KAT2B: variants seen among roughly 807,000 people sequenced by gnomAD.
The protein encoded by KAT2B is histone acetyltransferase KAT2B.
Under a neutral mutation model 105.9 loss-of-function variants are expected in KAT2B, and 36 were observed. The observed-to-expected ratio is 0.34, with a 90% CI of 0.26 to 0.45. The LOEUF (loss-of-function observed/expected upper bound fraction) is 0.45, where lower values mean the gene tolerates loss of function less well. KAT2B is among the 20% of genes least tolerant of loss of function. KAT2B has a pLI of 1.00. For synonymous variants in KAT2B, 397 were observed against 377.9 expected (o/e 1.05, Z -0.59); for missense variants, 820 against 1,021.6 (o/e 0.80, Z 2.69).
chr3:20,075,319 A>G (rs1322418739), intron 2 of KAT2B, among the ~76,000 whole-genome samples: 1 of 152,056 alleles, frequency 6.6e-6, no homozygotes, highest in Admixed American at 6.5e-5. Context: ...ATTTTACTCA[A>G]CACAGAACAC....
At chr3:20,130,053 C>T (rs1699481450) in intron 11 of KAT2B, among the ~76,000 whole-genome samples, 1 of 152,160 alleles carries the variant, frequency 6.6e-6, no homozygotes, top group East Asian at 1.9e-4. Flanking sequence ...GATCTGCTCA[C>T]TGCAACCTCC....
intron 1 of KAT2B, among the ~76,000 whole-genome samples, chr3:20,055,196 G>T (rs1697985141): frequency 6.6e-6 from 1 of 152,100 alleles, no homozygotes; most frequent in Non-Finnish European, 1.5e-5. Flanking sequence ...GTGTGACTAT[G>T]GGGAGGTTAC....
In KAT2B at chr3:20,128,973, C is replaced by T. The variant is rs373738745; in HGVS notation, c.1749+1424C>T. Among the ~76,000 whole-genome samples the T allele has an allele frequency of 2.3e-3, 332 of 143,310 alleles. 1 individual carries two copies. Among genetic ancestry groups the T allele is most frequent in the African/African-American group, 8.4e-3 (322 of 38,452 alleles). 94.0% of individuals were successfully genotyped at this position (143,310 alleles called of 152,430 possible). A position where few individuals can be genotyped will look rare whatever the true frequency, so the allele number is the denominator to read the frequency against. Reference sequence around the variant, plus strand: ...AGTGAGCCAAGATCACAGCACTGCACTCCAGCCTGGGCAATGAGAGCGAAA... The same window carrying T: ...AGTGAGCCAAGATCACAGCACTGCATTCCAGCCTGGGCAATGAGAGCGAAA... On this transcript the variant is annotated intron_variant, in intron 11 of 17. Coordinates refer to ENST00000263754, the MANE Select transcript of KAT2B (RefSeq NM_003884.5).
At chr3:20,079,866 AGTTT>A (rs1242260789) in intron 2 of KAT2B, among the ~76,000 whole-genome samples, 1 of 152,106 alleles carries the variant, frequency 6.6e-6, no homozygotes, top group East Asian at 1.9e-4. Flanking sequence ...CCGGTTTCAG[AGTTT>A]TCAGGAGCTG....
intron 5 of KAT2B, among the ~76,000 whole-genome samples, chr3:20,109,527 A>G (rs1172726246): frequency 3.3e-5 from 5 of 152,138 alleles, no homozygotes; most frequent in African/African-American, 1.2e-4. Flanking sequence ...TATGTTGCCC[A>G]GGCTGGTCTT....
chr3:20,093,508 G>A (rs904314393), intron 2 of KAT2B, among the ~76,000 whole-genome samples: 3 of 152,132 alleles, frequency 2.0e-5, no homozygotes, highest in African/African-American at 7.2e-5. Flanking sequence ...AAGGAGGGGG[G>A]ATATATAGGT....
At chr3:20,061,390 G>A (rs1385463182) in intron 1 of KAT2B, among the ~76,000 whole-genome samples, 1 of 152,056 alleles carries the variant, frequency 6.6e-6, no homozygotes, top group Non-Finnish European at 1.5e-5. Flanking sequence ...GGGATGCTGG[G>A]GTTGCTTGGA....
At chr3:20,152,267 C>A in intron 17 of KAT2B, 65 bp from the exon 18 acceptor site, 1 of 1,106,952 alleles carries the variant, frequency 9.0e-7, no homozygotes, top group Non-Finnish European at 1.3e-6. Flanking sequence ...CTTTCCCAGT[C>A]CCAGTTTTGT....
rs757606591 is a variant in KAT2B at position 20,073,786 on chromosome 3, A to G, written c.430+1327A>G. ...CTGAATGGAGTGAATGGAGTTTAGG[A>G]TTGCCTCAGGAAATGTGACGTAATA... On this transcript the variant is annotated intron_variant, in intron 2 of 17. Transcript: ENST00000263754. 9.4e-4 allele frequency among the ~76,000 whole-genome samples: 143 copies of G among 152,358 alleles called. 2 individuals carry two copies. Among genetic ancestry groups the G allele is most frequent in the Middle Eastern group, 6.8e-3 (2 of 294 alleles).
At chr3:20,085,787 A>G (rs1421416894) in intron 2 of KAT2B, among the ~76,000 whole-genome samples, 1 of 152,020 alleles carries the variant, frequency 6.6e-6, no homozygotes, top group African/African-American at 2.4e-5. Flanking sequence ...CTGGGATTAC[A>G]GGCATGAGCC....
intron 1 of KAT2B, among the ~76,000 whole-genome samples, chr3:20,071,431 G>T (rs889725001): frequency 6.6e-6 from 1 of 152,224 alleles, no homozygotes; most frequent in Non-Finnish European, 1.5e-5. Context: ...TAGAGAAGGG[G>T]CAGAAGAATT....
At chr3:20,104,082 A>T (rs1698957075) in intron 5 of KAT2B, among the ~76,000 whole-genome samples, 1 of 152,214 alleles carries the variant, frequency 6.6e-6, no homozygotes, top group Non-Finnish European at 1.5e-5. Context: ...AAAGCCTTAA[A>T]TGTATAATTG....
At chr3:20,113,540 C>G (rs1484846648) in intron 6 of KAT2B, among the ~76,000 whole-genome samples, 1 of 149,640 alleles carries the variant, frequency 6.7e-6, no homozygotes, top group African/African-American at 2.6e-5. Context: ...CTTTTCTTCT[C>G]TATTACTAAT....
At chr3:20,120,700 C>T (rs1033390401) in intron 8 of KAT2B, among the ~76,000 whole-genome samples, 8 of 151,988 alleles carry the variant, frequency 5.3e-5, no homozygotes, top group African/African-American at 1.9e-4. Flanking sequence ...TGTAATCTAC[C>T]ACATGGGCAA....
chr3:20,089,073 A>G (rs1013007478), intron 2 of KAT2B, among the ~76,000 whole-genome samples: 1 of 152,060 alleles, frequency 6.6e-6, no homozygotes, highest in South Asian at 2.1e-4. Context: ...TATTCTGTTC[A>G]GTTGGTCTAT....
intron 1 of KAT2B, among the ~76,000 whole-genome samples, chr3:20,060,455 G>A (rs1449611675): frequency 4.6e-5 from 7 of 152,114 alleles, no homozygotes; most frequent in Non-Finnish European, 8.8e-5. Flanking sequence ...TACAAAATTA[G>A]CTGGGCATGG....
At chr3:20,114,794 G>A in intron 6 of KAT2B, 88 bp from the exon 7 acceptor site, 1 of 701,136 alleles carries the variant, frequency 1.4e-6, no homozygotes, top group Non-Finnish European at 2.5e-6. Flanking sequence ...TTGAGACGCT[G>A]ATGTTAAGGT....
chr3:20,046,044 C>A (rs534394902), intron 1 of KAT2B, among the ~76,000 whole-genome samples: 1 of 152,316 alleles, frequency 6.6e-6, no homozygotes, highest in Non-Finnish European at 1.5e-5. Context: ...TCAATGACTG[C>A]ATGTATAAAG....
intron 3 of KAT2B, among the ~76,000 whole-genome samples, chr3:20,096,061 G>T (rs1393176160): frequency 6.6e-6 from 1 of 152,164 alleles, no homozygotes; most frequent in East Asian, 1.9e-4. Flanking sequence ...AGCTTGAAGT[G>T]ATGTCTGTAC....
Sources: gnomAD v4.1 joint callset for allele counts (sites outside exome capture counted in the v4.1 genomes callset) on GRCh38, gnomAD v4.1.1 for gene constraint, MANE v1.5 for transcripts, NCBI Gene and HGNC (gene_info 2026-07-23, HGNC 2026-07-21) for gene names.